The following TNN variants were observed in gnomAD, a reference collection of about 807,000 sequenced individuals.
TNN encodes the protein tenascin N.
TNN carries 122 observed loss-of-function variants against 134.4 expected under a neutral mutation model. The observed-to-expected ratio is 0.91, with a 90% CI of 0.78 to 1.06. The LOEUF is 1.06. Among genes scored for constraint, TNN ranks in the 50% least tolerant of loss-of-function variants. The probability of loss-of-function intolerance (pLI) is 0.00; values close to 1 mark genes in which losing one functional copy is unlikely to be tolerated. For missense variants in TNN, 1,739 were observed against 1,699.4 expected, an observed-to-expected ratio of 1.02 and a Z score of -0.41; for synonymous variants, 710 against 670.3, an observed-to-expected ratio of 1.06 and a Z score of -0.91.
chr1:175,084,878 G>A (rs1046804541), intron 5 of TNN, among the ~76,000 whole-genome samples: 1 of 152,206 alleles, frequency 6.6e-6, no homozygotes, highest in Non-Finnish European at 1.5e-5. Context: ...TGTGGTCCCA[G>A]CTACTTAAGA....
intron 9 of TNN, among the ~76,000 whole-genome samples, chr1:175,109,662 G>A (rs1314264574): frequency 1.4e-5 from 2 of 147,864 alleles, no homozygotes; most frequent in Non-Finnish European, 3.0e-5. Context: ...ATGTATATGT[G>A]TATATATATA....
intron 18 of TNN, among the ~76,000 whole-genome samples, chr1:175,145,161 G>C (rs1188029270): frequency 1.3e-5 from 2 of 152,058 alleles, no homozygotes; most frequent in Non-Finnish European, 2.9e-5. Flanking sequence ...TTGGTGGGGG[G>C]TGGTTAGGGC....
chr1:175,146,950 G>C lies in TNN; in HGVS notation c.3779G>C (p.Trp1260Ser), dbSNP rs750010103. The C allele has an allele frequency of 2.0e-6, 3 of 1,522,322 alleles. No homozygotes were observed. The highest frequency in any genetic ancestry group is 2.6e-6 in the Non-Finnish European group (3 of 1,132,238). The allele number at this position is 1,522,322 out of a possible 1,614,324, so 94.3% of individuals were successfully genotyped here. ...KHSEGVNWEP[W>S]KGHEFSIPYV... Reference sequence around the variant, plus strand: ...TGGTAGGGGGTGAACTGGGAGCCTTGGAAAGGACATGAATTCTCCATTCCT... The same window carrying C: ...TGGTAGGGGGTGAACTGGGAGCCTTCGAAAGGACATGAATTCTCCATTCCT... The change falls in exon 19 of 19, where the codon TGG becomes TCG. Residue 1260 changes from tryptophan to serine, a missense_variant. Trp to Ser is a radical substitution (Grantham distance 177, BLOSUM62 -3). Coordinates refer to ENST00000239462, the MANE Select transcript of TNN (RefSeq NM_022093.2).
chr1:175,076,153 C>T (rs1674034233), intron 1 of TNN, among the ~76,000 whole-genome samples: 1 of 152,104 alleles, frequency 6.6e-6, no homozygotes, highest in Non-Finnish European at 1.5e-5. Context: ...AATGGGCCGT[C>T]CTAGATGGGG....
chr1:175,094,347 C>G, intron 7 of TNN, 94 bp downstream of exon 7: 1 of 1,309,914 alleles, frequency 7.6e-7, no homozygotes, highest in South Asian at 2.1e-5. Context: ...GGCATCAGCT[C>G]TTTTGTTTGC....
chr1:175,113,096 G>A (rs1022242393), intron 9 of TNN, among the ~76,000 whole-genome samples: 13 of 152,140 alleles, frequency 8.5e-5, no homozygotes, highest in African/African-American at 3.1e-4. Context: ...GGTTTTTGTA[G>A]TACTGAGGCT....
chr1:175,104,584 C>T (rs1334653586), intron 9 of TNN, among the ~76,000 whole-genome samples: 1 of 145,784 alleles, frequency 6.9e-6, no homozygotes, highest in Non-Finnish European at 1.5e-5. Context: ...GTCTGAGGGC[C>T]ATGACTAAGG....
intron 15 of TNN, among the ~76,000 whole-genome samples, chr1:175,129,028 G>A (rs1483033952): frequency 6.6e-6 from 1 of 152,024 alleles, no homozygotes. Flanking sequence ...AAAGTAAAGT[G>A]GTGAAAGTAC....
intron 18 of TNN, among the ~76,000 whole-genome samples, chr1:175,145,012 G>A (rs1270715135): frequency 6.6e-6 from 1 of 152,128 alleles, no homozygotes; most frequent in Non-Finnish European, 1.5e-5. Context: ...GCTTGTGGCT[G>A]TGCGTCCTCA....
chr1:175,145,573 A>AAAAAAAAAAAAAAAAC (rs1676044806), intron 18 of TNN, among the ~76,000 whole-genome samples: 1 of 149,690 alleles, frequency 6.7e-6, no homozygotes, highest in Non-Finnish European at 1.5e-5. Flanking sequence ...AAAAAAAAAA[A>AAAAAAAAAAAAAAAAC]AAGCTGTCTC....
chr1:175,143,988 C>T (rs1257327274), intron 17 of TNN, among the ~76,000 whole-genome samples: 1 of 152,056 alleles, frequency 6.6e-6, no homozygotes, highest in Non-Finnish European at 1.5e-5. Flanking sequence ...GATTTCCAAA[C>T]ATGGCTCCAG....
At chr1:175,084,068 A>G (rs1674269481) in intron 5 of TNN, 133 bp downstream of exon 5, 1 of 907,686 alleles carries the variant, frequency 1.1e-6, no homozygotes, top group Admixed American at 2.8e-5. Context: ...TCACACTTGA[A>G]TCTGACCCTT....
chr1:175,111,994 G>A (rs1277107786), intron 9 of TNN, among the ~76,000 whole-genome samples: 3 of 151,922 alleles, frequency 2.0e-5, no homozygotes, highest in African/African-American at 4.8e-5. Flanking sequence ...CCTTTCTGTT[G>A]CCTAATTGCT....
At chr1:175,128,946 A>G (rs902176837) in intron 15 of TNN, among the ~76,000 whole-genome samples, 200 bp downstream of exon 15, 11 of 152,172 alleles carry the variant, frequency 7.2e-5, no homozygotes, top group Non-Finnish European at 2.9e-5. Context: ...TCCCAAGAGA[A>G]GGTTCTTGGA....
chr1:175,108,602 C>A (rs562669162), intron 9 of TNN, among the ~76,000 whole-genome samples: 1 of 152,242 alleles, frequency 6.6e-6, no homozygotes, highest in East Asian at 1.9e-4. Flanking sequence ...AGCCCTGCCC[C>A]GTGGGAAGGC....
intron 14 of TNN, 31 bp downstream of exon 14, chr1:175,128,195 G>A (rs10912891): frequency 0.59 from 911,412 of 1,543,188 alleles, 277,825 homozygotes; most frequent in Non-Finnish European, 0.63. Flanking sequence ...CTGAACGACC[G>A]TGCAATGAGA....
rs1676109991 is a variant in TNN at position 175,147,740 on chromosome 1, A to G, written c.*669A>G. The G allele has an allele frequency of 6.6e-6, 1 of 152,214 alleles. No homozygotes were observed. The highest frequency in any genetic ancestry group is 2.4e-5 in the African/African-American group (1 of 41,442). The allele number at this position is 152,214 out of a possible 1,614,324, so 9.4% of individuals were successfully genotyped here. A position where few individuals can be genotyped will look rare whatever the true frequency, so the allele number is the denominator to read the frequency against. ...TGCATAATTGCGTCCATAGAGCTGC[A>G]TATGTTGTGAATAAATTCTCACTCA... On this transcript the variant is annotated 3_prime_UTR_variant, in exon 19 of 19. Transcript: ENST00000239462.
chr1:175,080,447 C>T, intron 4 of TNN, 21 bp downstream of exon 4: 3 of 1,611,850 alleles, frequency 1.9e-6, no homozygotes, highest in African/African-American at 1.3e-5. Flanking sequence ...CACCTGATGC[C>T]CCAGGGTTCC....
Position 175,098,536 on chromosome 1 carries a change from A to G in TNN, c.2060A>G (p.His687Arg). 1 of 1,614,182 alleles carries G rather than the reference A, an allele frequency of 6.2e-7. No homozygotes were observed. The change falls in exon 9 of 19, where the codon CAC (histidine) becomes CGC (arginine). Residue 687 changes from histidine to arginine, a missense_variant. Physicochemically the swap from His to Arg is conservative, Grantham distance 29. Transcript: ENST00000239462. ...AGACCGGGTATGGAGTACATGGTGC[A>G]CGTGTGGGCCCAGAAGGGGGACCAG... ...GLRPGMEYMVHVWAQKGDQES... is the reference protein window; with the variant it reads ...GLRPGMEYMVRVWAQKGDQES...
Sources: allele counts gnomAD v4.1 joint callset (sites outside exome capture counted in the v4.1 genomes callset), GRCh38; gene constraint gnomAD v4.1.1; transcripts MANE v1.5; gene names NCBI Gene and HGNC (gene_info 2026-07-23, HGNC 2026-07-21).